MAP3K21: variants seen among roughly 807,000 people sequenced by gnomAD.
The protein encoded by MAP3K21 is mitogen-activated protein kinase kinase kinase 21, also known as mitogen-activated protein kinase kinase kinase MLK4.
MAP3K21 carries 63 observed loss-of-function variants against 86.1 expected under a neutral mutation model. The ratio of observed to expected loss-of-function variants is 0.73; its 90% CI spans 0.60 to 0.90. MAP3K21 has a LOEUF of 0.90. MAP3K21 is among the 40% of genes least tolerant of loss of function. The pLI, the probability that MAP3K21 is intolerant of heterozygous loss-of-function variation, is 0.00. For missense variants in MAP3K21, 1,220 were observed against 1,367.7 expected, an observed-to-expected ratio of 0.89 and a Z score of 1.70; for synonymous variants, 558 against 564.8, an observed-to-expected ratio of 0.99 and a Z score of 0.17.
intron 5 of MAP3K21, among the ~76,000 whole-genome samples, chr1:233,367,859 C>CA (rs5781742): frequency 0.52 from 62,694 of 121,646 alleles, 14,356 homozygotes; most frequent in East Asian, 0.67. Flanking sequence ...GACTCCGTCT[C>CA]AAAAAAAAAA....
intron 6 of MAP3K21, chr1:233,373,229 T>A (rs935706769): frequency 1.3e-5 from 2 of 152,134 alleles, no homozygotes; most frequent in African/African-American, 4.8e-5. Flanking sequence ...AAGGCCTAAT[T>A]AACGGAGAGA....
Position 233,354,846 on chromosome 1 carries a change from A to G in MAP3K21, c.1146A>G (p.Gln382=). 1 of 1,613,920 alleles carries G rather than the reference A, an allele frequency of 6.2e-7. No homozygotes were observed. The highest frequency in any genetic ancestry group is 8.5e-7 in the Non-Finnish European group (1 of 1,179,924). ...TTTTGTTTATTTTAGAATGCTGGCA[A>G]CAAGACCCTCATATTCGTCCATCGT... ...PFAKLMKECW[Q]QDPHIRPSFA... The change falls in exon 4 of 10, where the codon CAA becomes CAG. Residue 382 remains glutamine (Q), a synonymous_variant. Transcript: ENST00000366624.
intron 1 of MAP3K21, among the ~76,000 whole-genome samples, chr1:233,341,490 C>T (rs769451189): frequency 1.3e-5 from 2 of 152,140 alleles, no homozygotes; most frequent in Admixed American, 1.3e-4. Context: ...ACTTGTTTTC[C>T]GTGAGCCTGC....
intron 1 of MAP3K21, among the ~76,000 whole-genome samples, chr1:233,341,651 A>T (rs942874605): frequency 6.6e-6 from 1 of 152,086 alleles, no homozygotes; most frequent in African/African-American, 2.4e-5. Flanking sequence ...TTTAGTTCTC[A>T]CTTTTGACTC....
chr1:233,352,224 TG>T (rs1292879736), intron 2 of MAP3K21, among the ~76,000 whole-genome samples: 1 of 152,208 alleles, frequency 6.6e-6, no homozygotes, highest in African/African-American at 2.4e-5. Flanking sequence ...TACATATTTA[TG>T]GGGTACATAG....
intron 1 of MAP3K21, among the ~76,000 whole-genome samples, chr1:233,339,250 TTCTTCTTCTTCTTCTTCC>T (rs1302529893): frequency 0.017 from 1,228 of 70,460 alleles, 95 homozygotes; most frequent in South Asian, 0.021. Context: ...CTTCTTCTTC[TTCTTCTTCTTCTTCTTCC>T]TCTTCTTCTT....
At chr1:233,335,393 C>T (rs1351207780) in intron 1 of MAP3K21, among the ~76,000 whole-genome samples, 1 of 152,132 alleles carries the variant, frequency 6.6e-6, no homozygotes, top group Non-Finnish European at 1.5e-5. Flanking sequence ...ATTACTTGTA[C>T]ACCAACCTAA....
chr1:233,346,692 A>G (rs992825093), intron 2 of MAP3K21, 70 bp downstream of exon 2: 19 of 1,321,032 alleles, frequency 1.4e-5, no homozygotes, highest in Non-Finnish European at 1.9e-5. Context: ...GTCCCAAAGT[A>G]TTCAGTAATT....
Position 233,353,895 on chromosome 1 carries a change from A to C in MAP3K21, c.1075A>C (p.Asn359His). The C allele has an allele frequency of 6.2e-7, 1 of 1,613,460 alleles. No individual in the cohort carries two copies. Among genetic ancestry groups the C allele is most frequent in the Non-Finnish European group, 8.5e-7 (1 of 1,179,764 alleles). Reference sequence around the variant, plus strand: ...CGCCGTGGCTTATGGGGTAGCAGTCAATAAACTCACTTTGCCCATTCCATC... The same window carrying C: ...CGCCGTGGCTTATGGGGTAGCAGTCCATAAACTCACTTTGCCCATTCCATC... ...GLAVAYGVAV[N>H]KLTLPIPSTC... is the part of the protein sequence containing the mutation. The change falls in exon 3 of 10, where the codon AAT becomes CAT. Residue 359 changes from asparagine (N) to histidine (H), a missense_variant. Physicochemically the swap from Asn to His is moderately conservative, Grantham distance 68. This residue lies in a region of MAP3K21 where 126 missense variants were observed against 127.7 expected (regional missense o/e 0.99). Transcript: ENST00000366624.
chr1:233,352,337 TTCTAGCTA>T, intron 2 of MAP3K21, among the ~76,000 whole-genome samples: 1 of 152,348 alleles, frequency 6.6e-6, no homozygotes. Context: ...ACATCCTCTC[TTCTAGCTA>T]TCTGAAACTA....
At chr1:233,368,230 T>C (rs1663616312) in intron 5 of MAP3K21, among the ~76,000 whole-genome samples, 1 of 152,220 alleles carries the variant, frequency 6.6e-6, no homozygotes, top group African/African-American at 2.4e-5. Flanking sequence ...TAAATGACTT[T>C]AGTCTAAACT....
Position 233,372,076 on chromosome 1 carries a change from T to C in MAP3K21, c.1591T>C (p.Leu531=). ...HKITVQASPN[L]DKRRSLNSSS... The stretch of plus-strand genomic sequence containing the variant: ...GATAACCGTGCAGGCCTCTCCCAAC[T>C]TGGACAAACGGCGGAGCCTGAACAG... The change falls in exon 6 of 10, where the codon TTG becomes CTG. Residue 531 remains leucine (L), a synonymous_variant. Transcript: ENST00000366624. 1 of 1,614,112 alleles carries C rather than the reference T, an allele frequency of 6.2e-7. No homozygotes were observed.
At chr1:233,372,342 C>A in intron 6 of MAP3K21, 182 bp downstream of exon 6, 1 of 660,382 alleles carries the variant, frequency 1.5e-6, no homozygotes, top group Non-Finnish European at 2.3e-6. Flanking sequence ...TAATTTTCTT[C>A]TACTCACAAA....
rs369936974 is a variant in MAP3K21, at chr1:233,354,922, G to C, written c.1222G>C (p.Glu408Gln). ...TGCTATTGAAGGGGCAGTGATGACT[G>C]AGATGCCTCAAGAATCTTTTCATTC... ...LTAIEGAVMT[E>Q]MPQESFHSMQ... The change falls in exon 4 of 10, where the codon GAG becomes CAG. Residue 408 changes from glutamate to glutamine, a missense_variant. This residue lies in a region of MAP3K21 where 126 missense variants were observed against 127.7 expected (regional missense o/e 0.99). Transcript: ENST00000366624. The C allele has an allele frequency of 1.1e-5, 18 of 1,613,772 alleles. No homozygotes were observed. The African/African-American group carries it at 2.4e-4, about 22-fold the overall frequency.
rs1663958987 is a variant in MAP3K21 at position 233,383,556 on chromosome 1, A to C, written c.*845A>C. 1 of 151,838 alleles carries C rather than the reference A, an allele frequency of 6.6e-6. No individual in the cohort carries two copies. The highest frequency in any genetic ancestry group is 1.5e-5 in the Non-Finnish European group (1 of 67,970). 9.4% of individuals were successfully genotyped at this position (151,838 alleles called of 1,614,324 possible). A position where few individuals can be genotyped will look rare whatever the true frequency, so the allele number is the denominator to read the frequency against. On this transcript the variant is annotated 3_prime_UTR_variant, in exon 10 of 10. Coordinates refer to ENST00000366624, the MANE Select transcript of MAP3K21 (RefSeq NM_032435.3). ...ATTCTTCCTCCATCAGTAGCCCTTT[A>C]TTTGATATTCAGAAGTGGAAAGCTT...
chr1:233,337,289 G>A (rs1662935385), intron 1 of MAP3K21, among the ~76,000 whole-genome samples: 1 of 152,202 alleles, frequency 6.6e-6, no homozygotes, highest in Non-Finnish European at 1.5e-5. Flanking sequence ...AAGTGGCATT[G>A]TGCTGGATTT....
At position 233,327,806 on chromosome 1, in the gene MAP3K21, G is replaced by C; in HGVS notation, c.-223G>C. On this transcript the variant is annotated 5_prime_UTR_variant, in exon 1 of 10. Coordinates refer to ENST00000366624, the MANE Select transcript of MAP3K21 (RefSeq NM_032435.3). Reference sequence around the variant, plus strand: ...CGACCATGGTGGGACGTCGCCCGCGGCTTCGGGGACCGCTGCGGCAGCAGA... The same window carrying C: ...CGACCATGGTGGGACGTCGCCCGCGCCTTCGGGGACCGCTGCGGCAGCAGA... The C allele has an allele frequency of 2.8e-6, 1 of 351,720 alleles. No individual in the cohort carries two copies. Among genetic ancestry groups the C allele is most frequent in the Non-Finnish European group, 5.0e-6 (1 of 199,238 alleles). The allele number at this position is 351,720 out of a possible 1,614,324, so 21.8% of individuals were successfully genotyped here.
Position 233,362,284 on chromosome 1 carries a change from T to G in MAP3K21, c.1543T>G (p.Leu515Val). Residue 515 changes from leucine to valine, a missense_variant, in exon 5 of 10, where the codon TTA (leucine) becomes GTA (valine). By Grantham distance (32) the Leu-to-Val change is conservative. Around this residue, in one of 5 missense-constraint regions of MAP3K21, gnomAD observed 632 missense variants for 691.3 expected, o/e 0.91. Coordinates refer to ENST00000366624, the MANE Select transcript of MAP3K21 (RefSeq NM_032435.3). The stretch of plus-strand genomic sequence containing the variant: ...GCTCAAAGATGGACATCGAATCAGT[T>G]TACCTTCAGGTATGATCTTGTTTTT... The part of the protein sequence containing the change: ...LKLKDGHRIS[L>V]PSDFQHKITV... 1.2e-6 allele frequency: 2 copies of G among 1,614,178 alleles called. No homozygotes were observed. Among genetic ancestry groups the G allele is most frequent in the South Asian group, 2.2e-5 (2 of 91,068 alleles).
At chr1:233,376,107 A>C (rs112162717) in intron 7 of MAP3K21, 41 bp downstream of exon 7, 26 of 1,525,304 alleles carry the variant, frequency 1.7e-5, no homozygotes, top group Non-Finnish European at 2.3e-5. Flanking sequence ...GTGTAATATG[A>C]CAAATCCATT....
Sources: allele counts gnomAD v4.1 joint callset (sites outside exome capture counted in the v4.1 genomes callset), GRCh38; gene constraint gnomAD v4.1.1; regional missense constraint gnomAD v4.1.1; transcripts MANE v1.5; gene names NCBI Gene and HGNC (gene_info 2026-07-23, HGNC 2026-07-21).